TPD52: variants seen among roughly 807,000 people sequenced by gnomAD.
TPD52 encodes prostate and colon associated protein.
TPD52 carries 17 observed loss-of-function variants against 31.3 expected under a neutral mutation model. The ratio of observed to expected loss-of-function variants is 0.54; its 90% CI spans 0.37 to 0.82. The LOEUF (loss-of-function observed/expected upper bound fraction) is 0.82. Among genes scored for constraint, TPD52 ranks in the 40% least tolerant of loss-of-function variants. TPD52 has a pLI of 0.00. For synonymous variants in TPD52, 83 were observed against 89.6 expected (o/e 0.93, Z 0.42); for missense variants, 212 against 240.1 (o/e 0.88, Z 0.77).
chr8:80,161,788 G>A (rs1047398121), intron 1 of TPD52, among the ~76,000 whole-genome samples: 25 of 150,220 alleles, frequency 1.7e-4, no homozygotes, highest in Admixed American at 4.0e-4. Context: ...GGAGTGCAGA[G>A]GCATGATCTT....
chr8:80,145,934 T>C (rs772334277), intron 1 of TPD52, among the ~76,000 whole-genome samples: 4 of 152,216 alleles, frequency 2.6e-5, no homozygotes, highest in Non-Finnish European at 4.4e-5. Context: ...TTTTTGTTAG[T>C]TGATTTTAAT....
At chr8:80,156,083 G>A (rs962565216) in intron 1 of TPD52, among the ~76,000 whole-genome samples, 4 of 152,102 alleles carry the variant, frequency 2.6e-5, no homozygotes, top group Non-Finnish European at 4.4e-5. Flanking sequence ...GTTTGGGCAT[G>A]GCTTGGTCAG....
intron 7 of TPD52, among the ~76,000 whole-genome samples, chr8:80,038,757 A>C (rs1177826220): frequency 6.6e-6 from 1 of 152,214 alleles, no homozygotes; most frequent in Non-Finnish European, 1.5e-5. Context: ...TTAGAAATGC[A>C]GGATCTCAGA....
chr8:80,117,737 T>TC (rs1311775152), intron 1 of TPD52, among the ~76,000 whole-genome samples: 7 of 146,882 alleles, frequency 4.8e-5, no homozygotes, highest in South Asian at 4.3e-4. Context: ...TTTCTTTCTT[T>TC]TTTTTTTTTT....
chr8:80,080,427 A>T (rs1463791265), intron 1 of TPD52: 1 of 1,614,186 alleles, frequency 6.2e-7, no homozygotes. Context: ...GGTAGTCCTC[A>T]TATAAGTCCA....
At chr8:80,117,220 A>C (rs1807926457) in intron 1 of TPD52, among the ~76,000 whole-genome samples, 1 of 152,238 alleles carries the variant, frequency 6.6e-6, no homozygotes, top group Non-Finnish European at 1.5e-5. Flanking sequence ...TTCCATTTGC[A>C]GTAACATAAT....
chr8:80,067,716 AG>A (rs1740605995), intron 1 of TPD52, among the ~76,000 whole-genome samples: 1 of 151,964 alleles, frequency 6.6e-6, no homozygotes, highest in South Asian at 2.1e-4. Context: ...CAAAGACAAA[AG>A]TAGGAGGCTG....
At chr8:80,099,509 C>CTTT (rs756408673) in intron 1 of TPD52, among the ~76,000 whole-genome samples, 8 of 134,584 alleles carry the variant, frequency 5.9e-5, no homozygotes, top group African/African-American at 1.1e-4. Context: ...GGTCTAACAT[C>CTTT]TTTTTTTTTT....
intron 1 of TPD52, among the ~76,000 whole-genome samples, chr8:80,095,961 C>CATACA (rs1816698634): frequency 1.3e-5 from 2 of 151,866 alleles, no homozygotes; most frequent in Admixed American, 1.3e-4. Context: ...TACATACATA[C>CATACA]ATACATACTA....
chr8:80,158,669 C>T (rs1237297048), intron 1 of TPD52: 2 of 150,524 alleles, frequency 1.3e-5, no homozygotes, highest in East Asian at 2.0e-4. Flanking sequence ...AGGCCGGGCG[C>T]GGTGGCTCAC....
intron 1 of TPD52, among the ~76,000 whole-genome samples, chr8:80,086,101 CTT>C (rs762805549): frequency 2.7e-5 from 3 of 112,680 alleles, no homozygotes; most frequent in Admixed American, 9.8e-5. Context: ...GGTTTTTTTG[CTT>C]TTTTTTTTTT....
chr8:80,171,547 G>C lies in TPD52; in HGVS notation c.-104C>G, dbSNP rs1329629849. On this transcript the variant is annotated 5_prime_UTR_variant, in exon 1 of 8. Transcript: ENST00000518937. ...CGCAGAGCTCCTCCTCGCCTCCGCC[G>C]GCGACTCCCGCGAAGTCCCCACCCC... 2 of 1,369,608 alleles carry C rather than the reference G, an allele frequency of 1.5e-6. No homozygotes were observed. Among genetic ancestry groups the C allele is most frequent in the Non-Finnish European group, 1.9e-6 (2 of 1,063,788 alleles). The allele number at this position is 1,369,608 out of a possible 1,614,324, so 84.8% of individuals were successfully genotyped here.
In TPD52 at chr8:80,143,075, C is replaced by T. The variant is rs541012899; in HGVS notation, c.19+28350G>A. On this transcript the variant is annotated intron_variant, in intron 1 of 7. Transcript: ENST00000518937. ...AGATGGGGTCTGGATCTTGACTCCA[C>T]TATGAACCATATGAACTAGGAGGAA... is the stretch of plus-strand genomic sequence containing the variant. Among the ~76,000 whole-genome samples, 22 of 152,322 alleles carry T rather than the reference C, an allele frequency of 1.4e-4. No homozygotes were observed. The South Asian group carries it at 3.7e-3, about 26-fold the overall frequency.
At chr8:80,169,362 A>G (rs1811926285) in intron 1 of TPD52, among the ~76,000 whole-genome samples, 1 of 152,198 alleles carries the variant, frequency 6.6e-6, no homozygotes, top group South Asian at 2.1e-4. Context: ...TTTCATTCGG[A>G]GCAGAGTCCT....
rs980313589 is a variant in TPD52 at position 80,137,334 on chromosome 8, T to G, written c.19+34091A>C. ...AATTGTACATTTAAAACAAGTGAAT[T>G]TTAAGGTAAACTATATGGTGATTAT... On this transcript the variant is annotated intron_variant, in intron 1 of 7. Coordinates refer to ENST00000518937, the MANE Select transcript of TPD52 (RefSeq NM_001025253.3). 2.0e-5 allele frequency among the ~76,000 whole-genome samples: 3 copies of G among 152,330 alleles called. No individual in the cohort carries two copies. The South Asian group carries it at 6.2e-4, about 32-fold the overall frequency.
intron 1 of TPD52, among the ~76,000 whole-genome samples, chr8:80,159,544 G>A (rs547360246): frequency 1.3e-5 from 2 of 152,306 alleles, no homozygotes; most frequent in African/African-American, 4.8e-5. Flanking sequence ...ACCTGTCTGC[G>A]CCAAGCTGTG....
At chr8:80,065,303 CTATATA>C (rs5892703) in intron 1 of TPD52, among the ~76,000 whole-genome samples, 2 of 147,186 alleles carry the variant, frequency 1.4e-5, no homozygotes, top group Non-Finnish European at 3.0e-5. Context: ...ATCTATCTAT[CTATATA>C]TATATATATC....
chr8:80,142,553 T>C (rs886108711), intron 1 of TPD52, among the ~76,000 whole-genome samples: 20 of 152,098 alleles, frequency 1.3e-4, no homozygotes, highest in African/African-American at 4.8e-4. Flanking sequence ...AGTACAAAAA[T>C]GAGCCAGGTG....
Position 80,072,655 on chromosome 8 carries a change from ATG to A in TPD52, c.20-8064_20-8063del, listed in dbSNP as rs1814004260. Among the ~76,000 whole-genome samples, 3 of 125,724 alleles carry A rather than the reference ATG, an allele frequency of 2.4e-5. 1 individual carries two copies. Among genetic ancestry groups the A allele is most frequent in the Non-Finnish European group, 3.5e-5 (2 of 57,952 alleles). The allele number at this position is 125,724 out of a possible 152,430, so 82.5% of individuals were successfully genotyped here. The stretch of plus-strand genomic sequence containing the variant: ...TGCGTGTATATACATGTACACAGAT[ATG>A]TGTGTATATACATGTACACATAGAT... On this transcript the variant is annotated intron_variant, in intron 1 of 7. Transcript: ENST00000518937.
Sources: allele counts gnomAD v4.1 joint callset (sites outside exome capture counted in the v4.1 genomes callset), GRCh38; gene constraint gnomAD v4.1.1; transcripts MANE v1.5; gene names NCBI Gene and HGNC (gene_info 2026-07-23, HGNC 2026-07-21).